Variants in ADAMTSL1 observed in about 807,000 individuals in gnomAD.
ADAMTSL1 encodes ADAMTS-like protein 1.
A neutral mutation model predicts 201.8 loss-of-function variants in ADAMTSL1; 126 were observed. The observed-to-expected ratio is 0.62, with a 90% CI of 0.54 to 0.72. ADAMTSL1 has a LOEUF of 0.72. ADAMTSL1 is among the 30% of genes least tolerant of loss of function. The pLI, the probability that ADAMTSL1 is intolerant of heterozygous loss-of-function variation, is 0.00. For missense variants in ADAMTSL1, 2,679 were observed against 2,277.8 expected, an observed-to-expected ratio of 1.18 and a Z score of -3.59; for synonymous variants, 1,121 against 903.4, an observed-to-expected ratio of 1.24 and a Z score of -4.32.
At chr9:18,068,920 G>T (rs1822831734) in intron 1 of ADAMTSL1, among the ~76,000 whole-genome samples, 1 of 152,180 alleles carries the variant, frequency 6.6e-6, no homozygotes. Context: ...ACTTGGCCTT[G>T]TAAGTCAGGA....
At chr9:18,747,122 T>C (rs894218062) in intron 15 of ADAMTSL1, among the ~76,000 whole-genome samples, 14 of 152,214 alleles carry the variant, frequency 9.2e-5, no homozygotes, top group African/African-American at 3.1e-4. Context: ...TAATACTTTG[T>C]TCTATTGACC....
At chr9:18,791,851 C>T (rs1822082616) in intron 19 of ADAMTSL1, among the ~76,000 whole-genome samples, 1 of 152,160 alleles carries the variant, frequency 6.6e-6, no homozygotes. Flanking sequence ...AGTTCAAATC[C>T]TTACCACTCT....
intron 23 of ADAMTSL1, among the ~76,000 whole-genome samples, chr9:18,856,616 C>T (rs1394668628): frequency 2.0e-5 from 3 of 151,720 alleles, no homozygotes; most frequent in East Asian, 3.9e-4. Flanking sequence ...GGCTTGTAAC[C>T]CTGGCTAATT....
At chr9:18,869,652 G>T (rs1827765869) in intron 23 of ADAMTSL1, among the ~76,000 whole-genome samples, 1 of 152,070 alleles carries the variant, frequency 6.6e-6, no homozygotes, top group Non-Finnish European at 1.5e-5. Flanking sequence ...ATTATCTCCT[G>T]GTTTCCTTTG....
chr9:18,770,798 G>C lies in ADAMTSL1; in HGVS notation c.2397+17G>C. 6.2e-7 allele frequency: 1 copy of C among 1,610,472 alleles called. No individual in the cohort carries two copies. Among genetic ancestry groups the C allele is most frequent in the African/African-American group, 1.3e-5 (1 of 74,928 alleles). On this transcript the variant is annotated intron_variant, in intron 17 of 28. Transcript: ENST00000380548. ...TGGACAGAGGTATGTATGTTCCTCCGAAGAGAATGAAAGAGATCCAAGTAG... is the reference window on the plus strand; with the variant it reads ...TGGACAGAGGTATGTATGTTCCTCCCAAGAGAATGAAAGAGATCCAAGTAG...
chr9:18,747,854 C>T (rs1295294107), intron 15 of ADAMTSL1, among the ~76,000 whole-genome samples: 2 of 152,132 alleles, frequency 1.3e-5, no homozygotes, highest in African/African-American at 4.8e-5. Context: ...TTAGGCAGAA[C>T]TCCAGCACTG....
chr9:18,007,696 G>T (rs1002891898), intron 1 of ADAMTSL1, among the ~76,000 whole-genome samples: 1 of 151,968 alleles, frequency 6.6e-6, no homozygotes, highest in Non-Finnish European at 1.5e-5. Flanking sequence ...CACATTCACA[G>T]AAGTGAAGGG....
At chr9:18,001,997 G>A (rs906517363) in intron 1 of ADAMTSL1, among the ~76,000 whole-genome samples, 1 of 152,056 alleles carries the variant, frequency 6.6e-6, no homozygotes, top group East Asian at 2.0e-4. Flanking sequence ...GGAGCTAAGG[G>A]CAGTTGGCTC....
chr9:18,417,967 C>A (rs1941534046), intron 2 of ADAMTSL1, among the ~76,000 whole-genome samples: 1 of 152,086 alleles, frequency 6.6e-6, no homozygotes, highest in Admixed American at 6.6e-5. Flanking sequence ...ATTACCAAAT[C>A]AAACTCAGCA....
intron 3 of ADAMTSL1, among the ~76,000 whole-genome samples, chr9:18,564,322 C>G (rs746609063): frequency 4.6e-5 from 7 of 152,172 alleles, no homozygotes; most frequent in Non-Finnish European, 1.0e-4. Flanking sequence ...TGCTTGGGCT[C>G]ACCCTCCGTG....
At chr9:18,734,266 A>C (rs1818386763) in intron 15 of ADAMTSL1, among the ~76,000 whole-genome samples, 1 of 152,202 alleles carries the variant, frequency 6.6e-6, no homozygotes, top group African/African-American at 2.4e-5. Flanking sequence ...CTTTGTAAGA[A>C]GCAGTCCTTG....
Position 18,378,302 on chromosome 9 carries a change from CAAT to C in ADAMTSL1, c.208-126524_208-126522del, listed in dbSNP as rs528087353. ...AGGTGTCTGGCACATAGTAAACACT[CAAT>C]AAATGGTAGCTATTTTGAGTTATTT... On this transcript the variant is annotated intron_variant, in intron 2 of 29. Transcript: ENST00000680146. Among the ~76,000 whole-genome samples the C allele has an allele frequency of 5.4e-3, 827 of 152,186 alleles. 4 individuals are homozygous for C. Among genetic ancestry groups the C allele is most frequent in the African/African-American group, 0.017 (718 of 41,522 alleles).
intron 1 of ADAMTSL1, among the ~76,000 whole-genome samples, chr9:18,156,256 C>G (rs1448901131): frequency 6.6e-6 from 1 of 151,990 alleles, no homozygotes; most frequent in African/African-American, 2.4e-5. Flanking sequence ...ACAGACTCCT[C>G]TGTGGCAGGA....
At chr9:18,488,752 C>T (rs901346699) in intron 1 of ADAMTSL1, among the ~76,000 whole-genome samples, 2 of 152,212 alleles carry the variant, frequency 1.3e-5, no homozygotes, top group Admixed American at 6.5e-5. Context: ...TTCCCTACCT[C>T]ATTCCAGAAA....
Position 18,887,968 on chromosome 9 carries a change from T to A in ADAMTSL1, c.4387T>A (p.Ser1463Thr). 6.2e-7 allele frequency: 1 copy of A among 1,613,880 alleles called. No individual in the cohort carries two copies. Among genetic ancestry groups the A allele is most frequent in the East Asian group, 2.2e-5 (1 of 44,882 alleles). The change falls in exon 24 of 29, where the codon TCT (serine) becomes ACT (threonine). Residue 1463 changes from serine (S) to threonine (T), a missense_variant. Transcript: ENST00000380548. The part of the protein sequence containing the change: ...ILQVANLSGG[S>T]QGEFSCLAQN... The stretch of plus-strand genomic sequence containing the variant: ...TCAAGTTGCAAACCTTAGCGGTGGG[T>A]CTCAAGGGGAATTCAGCTGCCTTGC...
intron 2 of ADAMTSL1, among the ~76,000 whole-genome samples, chr9:18,280,956 G>T (rs1008049394): frequency 1.4e-5 from 2 of 147,816 alleles, no homozygotes; most frequent in African/African-American, 5.1e-5. Context: ...GCTCACTGTA[G>T]CCTTGAACTC....
At chr9:17,940,745 A>G (rs1827203494) in intron 1 of ADAMTSL1, among the ~76,000 whole-genome samples, 1 of 149,678 alleles carries the variant, frequency 6.7e-6, no homozygotes, top group African/African-American at 2.4e-5. Context: ...AAGAAAAAAA[A>G]TGAGACCCTA....
At chr9:17,927,860 A>AT (rs1350206399) in intron 1 of ADAMTSL1, among the ~76,000 whole-genome samples, 1 of 151,912 alleles carries the variant, frequency 6.6e-6, no homozygotes, top group Admixed American at 6.6e-5. Flanking sequence ...TATATACTAC[A>AT]TTTTATTTAC....
chr9:18,707,637 G>C (rs942263530), intron 14 of ADAMTSL1, among the ~76,000 whole-genome samples: 1 of 152,230 alleles, frequency 6.6e-6, no homozygotes, highest in Non-Finnish European at 1.5e-5. Flanking sequence ...AGATCATACA[G>C]CTGGTGAGCG....
Sources: gnomAD v4.1 joint callset for allele counts (sites outside exome capture counted in the v4.1 genomes callset) on GRCh38, gnomAD v4.1.1 for gene constraint, MANE v1.5 for transcripts, NCBI Gene and HGNC (gene_info 2026-07-23, HGNC 2026-07-21) for gene names.